Variants in LRIG1 observed in about 807,000 individuals in gnomAD.
LRIG1 encodes leucine-rich repeats and immunoglobulin-like domains protein 1.
A neutral mutation model predicts 99.2 loss-of-function variants in LRIG1; 48 were observed. The observed-to-expected ratio is 0.48, with a 90% CI of 0.38 to 0.62. The LOEUF is 0.62. Ranked by LOEUF, LRIG1 falls within the 20% of genes least tolerant of loss-of-function variation. The probability of loss-of-function intolerance (pLI) is 0.00; values close to 1 mark genes in which losing one functional copy is unlikely to be tolerated. For missense variants in LRIG1, 1,646 were observed against 1,434.4 expected, an observed-to-expected ratio of 1.15 and a Z score of -2.38; for synonymous variants, 772 against 596.1, an observed-to-expected ratio of 1.29 and a Z score of -4.30.
At chr3:66,406,619 C>T (rs374376834) in intron 8 of LRIG1, among the ~76,000 whole-genome samples, 4 of 152,346 alleles carry the variant, frequency 2.6e-5, no homozygotes, top group African/African-American at 9.6e-5. Flanking sequence ...TCCTCTGAAA[C>T]CTGCATGCCC....
intron 3 of LRIG1, among the ~76,000 whole-genome samples, chr3:66,426,669 T>G (rs1415131952): frequency 6.6e-6 from 1 of 152,240 alleles, no homozygotes; most frequent in East Asian, 1.9e-4. Context: ...GTTATGTTCC[T>G]CAAGAGATCA....
In LRIG1 at chr3:66,417,415, G is replaced by A. The variant is rs1434731227; in HGVS notation, c.366-149C>T. On this transcript the variant is annotated intron_variant, in intron 3 of 18. Coordinates refer to ENST00000273261, the MANE Select transcript of LRIG1 (RefSeq NM_015541.3). ...GATCTCCTGTTTCTTTTCCCATCAAGTTATTACCTGCTGGCCAGATGCTAG... is the reference window on the plus strand; with the variant it reads ...GATCTCCTGTTTCTTTTCCCATCAAATTATTACCTGCTGGCCAGATGCTAG... The A allele has an allele frequency of 3.7e-6, 3 of 821,836 alleles. No homozygotes were observed. In the African/African-American group the frequency reaches 5.1e-5, roughly 14 times the overall value. The allele number at this position is 821,836 out of a possible 1,614,324, so 50.9% of individuals were successfully genotyped here. A position where few individuals can be genotyped will look rare whatever the true frequency, so the allele number is the denominator to read the frequency against.
At chr3:66,481,855 G>A (rs533946442) in intron 1 of LRIG1, among the ~76,000 whole-genome samples, 38 of 152,338 alleles carry the variant, frequency 2.5e-4, no homozygotes, top group Non-Finnish European at 5.4e-4. Flanking sequence ...TCACTTTCGA[G>A]ACCATGTTTA....
intron 2 of LRIG1, among the ~76,000 whole-genome samples, chr3:66,458,331 TTCCTGG>T (rs1700276006): frequency 6.6e-6 from 1 of 152,080 alleles, no homozygotes; most frequent in Admixed American, 6.6e-5. Context: ...TGGTCTCAAA[TTCCTGG>T]GCTCAAGTGA....
intron 3 of LRIG1, among the ~76,000 whole-genome samples, chr3:66,439,514 A>C (rs1161932170): frequency 6.6e-6 from 1 of 152,190 alleles, no homozygotes; most frequent in Non-Finnish European, 1.5e-5. Context: ...GCTATATTAC[A>C]ATAAAGCTTT....
Position 66,380,167 on chromosome 3 carries a change from A to G in LRIG1, c.*96T>C. 1.1e-6 allele frequency: 1 copy of G among 945,532 alleles called. No individual in the cohort carries two copies. Among genetic ancestry groups the G allele is most frequent in the Non-Finnish European group, 1.6e-6 (1 of 632,038 alleles). 58.6% of individuals were successfully genotyped at this position (945,532 alleles called of 1,614,324 possible). A position where few individuals can be genotyped will look rare whatever the true frequency, so the allele number is the denominator to read the frequency against. On this transcript the variant is annotated 3_prime_UTR_variant, in exon 19 of 19. Coordinates refer to ENST00000273261, the MANE Select transcript of LRIG1 (RefSeq NM_015541.3). ...CTCCACATGGGAGTTACAACTATGT[A>G]CAGATGAGTGACGCTTGAACCCAAG...
rs79301204 is a variant in LRIG1, at chr3:66,443,162, G to A, written c.365+8397C>T. ...GAGAGCTGCTTTCTTTGTAAATTGGGTGTTTAATTTTCTATTTTGAGGCTC... is the reference window on the plus strand; with the variant it reads ...GAGAGCTGCTTTCTTTGTAAATTGGATGTTTAATTTTCTATTTTGAGGCTC... On this transcript the variant is annotated intron_variant, in intron 3 of 18. Coordinates refer to ENST00000273261, the MANE Select transcript of LRIG1 (RefSeq NM_015541.3). 7.4e-3 allele frequency among the ~76,000 whole-genome samples: 1,128 copies of A among 152,082 alleles called. 11 individuals carry two copies. The highest frequency in any genetic ancestry group is 0.026 in the African/African-American group (1,068 of 41,444).
chr3:66,488,538 G>A (rs140605629), intron 1 of LRIG1, among the ~76,000 whole-genome samples: 1,766 of 152,014 alleles, frequency 0.012, 20 homozygotes, highest in Admixed American at 0.024. Flanking sequence ...TTGGGAGGCT[G>A]AGGCAAGAGA....
intron 3 of LRIG1, among the ~76,000 whole-genome samples, chr3:66,448,616 C>A (rs1430517913): frequency 6.6e-6 from 1 of 152,204 alleles, no homozygotes; most frequent in Non-Finnish European, 1.5e-5. Flanking sequence ...GTCACAACTA[C>A]ATTAGAGACA....
intron 3 of LRIG1, among the ~76,000 whole-genome samples, chr3:66,435,768 T>A (rs1439909357): frequency 2.6e-5 from 3 of 114,254 alleles, no homozygotes; most frequent in Non-Finnish European, 6.1e-5. Flanking sequence ...ACGTGAGGGA[T>A]CTCCCCATAT....
At chr3:66,470,445 T>C (rs770421671) in intron 1 of LRIG1, among the ~76,000 whole-genome samples, 1 of 152,060 alleles carries the variant, frequency 6.6e-6, no homozygotes, top group Non-Finnish European at 1.5e-5. Context: ...AAATAAGGAA[T>C]GGAGGGCATG....
Position 66,386,249 on chromosome 3 carries a change from C to T in LRIG1, c.1521G>A (p.Met507Ile). Residue 507 changes from methionine to isoleucine, a missense_variant, in exon 13 of 19, where the codon ATG (methionine) becomes ATA (isoleucine). Physicochemically the swap from Met to Ile is conservative, Grantham distance 10. Coordinates refer to ENST00000273261, the MANE Select transcript of LRIG1 (RefSeq NM_015541.3). ...IITQPETTMA[M>I]VGKDIRFTCS... The stretch of plus-strand genomic sequence containing the variant: ...ATGTAAACCGGATGTCCTTGCCCAC[C>T]ATAGCCATGGTGGTTTCTGGCTGGG... 1 of 1,614,144 alleles carries T rather than the reference C, an allele frequency of 6.2e-7. No homozygotes were observed. The highest frequency in any genetic ancestry group is 8.5e-7 in the Non-Finnish European group (1 of 1,180,016).
At chr3:66,382,519 A>G in intron 15 of LRIG1, 121 bp from the exon 16 acceptor site, 1 of 1,158,030 alleles carries the variant, frequency 8.6e-7, no homozygotes, top group Non-Finnish European at 1.3e-6. Flanking sequence ...CTGTGCAGAG[A>G]GATGACATGG....
At chr3:66,403,379 G>A (rs9820334) in intron 9 of LRIG1, among the ~76,000 whole-genome samples, 6,217 of 152,172 alleles carry the variant, frequency 0.041, 428 homozygotes, top group African/African-American at 0.14. Context: ...TTGGATGCAT[G>A]TCTTTCTCTC....
At chr3:66,496,259 G>A (rs1701225352) in intron 1 of LRIG1, among the ~76,000 whole-genome samples, 1 of 152,216 alleles carries the variant, frequency 6.6e-6, no homozygotes, top group Non-Finnish European at 1.5e-5. Context: ...AAAGGCAAGA[G>A]GGACATTGTG....
rs1559761355 is a variant in LRIG1 at position 66,380,471 on chromosome 3, A to AAAGTC, written c.3069_3073dup (p.Leu1025Ter). On this transcript the variant is annotated stop_gained and frameshift_variant, in exon 19 of 19. Transcript: ENST00000273261. LOFTEE classifies it low-confidence loss of function (END_TRUNC). ...GGAGTCCGGGTGATACAACCTTGCT[A>AAAGTC]AAGTCCAGGAAGAATCCCCTACAAG... 6.2e-7 allele frequency: 1 copy of AAAGTC among 1,614,172 alleles called. No homozygotes were observed. The highest frequency in any genetic ancestry group is 1.1e-5 in the South Asian group (1 of 91,086).
chr3:66,438,714 G>A lies in LRIG1; in HGVS notation c.365+12845C>T, dbSNP rs77833437. On this transcript the variant is annotated intron_variant, in intron 3 of 18. Transcript: ENST00000273261. ...CGGTGAGAGGGCTTCCCCTGCAGCA[G>A]AGATACCACTGCAGAAATTCCAGCA... is the stretch of plus-strand genomic sequence containing the variant. Among the ~76,000 whole-genome samples, 966 of 152,310 alleles carry A rather than the reference G, an allele frequency of 6.3e-3. 11 individuals carry two copies. The highest frequency in any genetic ancestry group is 0.021 in the African/African-American group (886 of 41,568).
intron 1 of LRIG1, among the ~76,000 whole-genome samples, chr3:66,490,437 C>T (rs1701076394): frequency 6.6e-6 from 1 of 152,138 alleles, no homozygotes; most frequent in African/African-American, 2.4e-5. Flanking sequence ...GAAACTCACA[C>T]CAGCCCAGGT....
At chr3:66,423,003 C>A (rs535303212) in intron 3 of LRIG1, among the ~76,000 whole-genome samples, 3 of 152,258 alleles carry the variant, frequency 2.0e-5, no homozygotes, top group African/African-American at 7.2e-5. Flanking sequence ...GAGAACAGCA[C>A]AGGAAGGACC....
Sources: gnomAD v4.1 joint callset for allele counts (sites outside exome capture counted in the v4.1 genomes callset) on GRCh38, gnomAD v4.1.1 for gene constraint, MANE v1.5 for transcripts, NCBI Gene and HGNC (gene_info 2026-07-23, HGNC 2026-07-21) for gene names.